SLC18A1: variants seen among roughly 807,000 people sequenced by gnomAD.
SLC18A1 encodes solute carrier family 18 member A1.
A neutral mutation model predicts 53.7 loss-of-function variants in SLC18A1; 69 were observed. The observed-to-expected ratio is 1.28, with a 90% CI of 1.06 to 1.57. SLC18A1 has a LOEUF of 1.57. Ranked by LOEUF, SLC18A1 falls within the 40% of genes most tolerant of loss-of-function variation. SLC18A1 has a pLI of 0.00. For missense variants in SLC18A1, 932 were observed against 668.1 expected (o/e 1.40, Z -4.35); for synonymous variants, 320 against 248.1 (o/e 1.29, Z -2.72).
At position 20,170,047 on chromosome 8, in the gene SLC18A1, T is replaced by C. The variant is rs80210381; in HGVS notation, c.858+1056A>G. ...TGGAGGGGTGCTGGGCCCAAGCATA[T>C]GCCAGGCCTGGGAGCCTGTGCAGAG... is the stretch of plus-strand genomic sequence containing the variant. On this transcript the variant is annotated intron_variant, in intron 8 of 15. Transcript: ENST00000276373. 7.6e-4 allele frequency among the ~76,000 whole-genome samples: 115 copies of C among 152,238 alleles called. 1 individual carries two copies. The East Asian group carries it at 0.02, about 27-fold the overall frequency.
chr8:20,154,519 C>T (rs1290412100), intron 10 of SLC18A1, among the ~76,000 whole-genome samples: 3 of 152,140 alleles, frequency 2.0e-5, no homozygotes, highest in Non-Finnish European at 4.4e-5. Flanking sequence ...GAAGAAATGA[C>T]TCGGAAGCAA....
At position 20,150,295 on chromosome 8, in the gene SLC18A1, T is replaced by G. The variant is rs373255271; in HGVS notation, c.1094+371A>C. ...CTCAGTGGCCTCTGGGGTGCCTCTA[T>G]AGAACTCCTTAGGATTCCACAGAAC... On this transcript the variant is annotated intron_variant, in intron 11 of 15. Transcript: ENST00000276373. 7.2e-5 allele frequency among the ~76,000 whole-genome samples: 11 copies of G among 152,342 alleles called. No homozygotes were observed. In the South Asian group the frequency reaches 2.3e-3, roughly 32 times the overall value.
chr8:20,161,584 C>T (rs2071831732), intron 10 of SLC18A1, among the ~76,000 whole-genome samples: 1 of 152,110 alleles, frequency 6.6e-6, no homozygotes, highest in African/African-American at 2.4e-5. Flanking sequence ...GAACCACTCT[C>T]CTATGCACAC....
Position 20,182,292 on chromosome 8 carries a change from G to T in SLC18A1, c.-124+771C>A, listed in dbSNP as rs548555430. Reference sequence around the variant, plus strand: ...ATCAATTGCAGAATTATTTTTCTTAGTGAAAAAAGTCAAACATGTTAATGG... The same window carrying T: ...ATCAATTGCAGAATTATTTTTCTTATTGAAAAAAGTCAAACATGTTAATGG... On this transcript the variant is annotated intron_variant, in intron 1 of 15. Coordinates refer to ENST00000276373, the MANE Select transcript of SLC18A1 (RefSeq NM_003053.4). 1.5e-4 allele frequency among the ~76,000 whole-genome samples: 23 copies of T among 152,190 alleles called. No homozygotes were observed. In the East Asian group the frequency reaches 4.4e-3, roughly 29 times the overall value.
chr8:20,150,262 C>T (rs576774288), intron 11 of SLC18A1, among the ~76,000 whole-genome samples: 1 of 152,202 alleles, frequency 6.6e-6, no homozygotes, highest in African/African-American at 2.4e-5. Flanking sequence ...GGCCCCCAAC[C>T]CTTCCTCCTC....
At chr8:20,161,367 A>G (rs984750207) in intron 10 of SLC18A1, among the ~76,000 whole-genome samples, 2 of 152,216 alleles carry the variant, frequency 1.3e-5, no homozygotes, top group Middle Eastern at 3.2e-3. Context: ...AAATAAAAAT[A>G]ACAGTACAAG....
intron 1 of SLC18A1, among the ~76,000 whole-genome samples, chr8:20,182,555 T>C (rs1441942919): frequency 1.3e-5 from 2 of 152,228 alleles, no homozygotes; most frequent in African/African-American, 2.4e-5. Flanking sequence ...TATTCAATAA[T>C]GAGCTACTTT....
chr8:20,150,695 G>C lies in SLC18A1; in HGVS notation c.1065C>G (p.Leu355=). The C allele has an allele frequency of 6.2e-7, 1 of 1,614,146 alleles. No homozygotes were observed. Among genetic ancestry groups the C allele is most frequent in the South Asian group, 1.1e-5 (1 of 91,086 alleles). Reference sequence around the variant, plus strand: ...CCATCTTGTTGGCCAACACACCAAAGAGGTTGGTGCCAATGAGGTAGGACA... The same window carrying C: ...CCATCTTGTTGGCCAACACACCAAACAGGTTGGTGCCAATGAGGTAGGACA... ...ASVSYLIGTN[L]FGVLANKMGR... The change falls in exon 11 of 16, where the codon CTC becomes CTG. Residue 355 remains leucine, a synonymous_variant. Coordinates refer to ENST00000276373, the MANE Select transcript of SLC18A1 (RefSeq NM_003053.4).
intron 10 of SLC18A1, among the ~76,000 whole-genome samples, chr8:20,159,652 A>AAAAAAAAAAAAAAAC (rs2071772310): frequency 1.3e-5 from 1 of 75,558 alleles, no homozygotes; most frequent in Non-Finnish European, 2.8e-5. Flanking sequence ...AAAAAAAAAA[A>AAAAAAAAAAAAAAAC]AAAAAAAAAA....
chr8:20,156,891 T>G (rs1308502722), intron 10 of SLC18A1, among the ~76,000 whole-genome samples: 1 of 152,206 alleles, frequency 6.6e-6, no homozygotes. Flanking sequence ...GAATGCATCT[T>G]GATGGGGCAA....
Position 20,150,748 on chromosome 8 carries a change from T to C in SLC18A1, c.1016-4A>G. Reference sequence around the variant, plus strand: ...CTGGCAGGCAAGAAAGCTAGACCTGTGGAAGGACACAGATCCTTACCTTAG... The same window carrying C: ...CTGGCAGGCAAGAAAGCTAGACCTGCGGAAGGACACAGATCCTTACCTTAG... On this transcript the variant is annotated splice_region_variant and splice_polypyrimidine_tract_variant and intron_variant, in intron 10 of 15. Transcript: ENST00000276373. 16 of 1,613,696 alleles carry C rather than the reference T, an allele frequency of 9.9e-6. No individual in the cohort carries two copies. The highest frequency in any genetic ancestry group is 1.2e-5 in the Non-Finnish European group (14 of 1,179,592).
rs2072170513 is a variant in SLC18A1 at position 20,173,225 on chromosome 8, C to A, written c.632-97G>T. 8.1e-6 allele frequency: 7 copies of A among 862,178 alleles called. No homozygotes were observed. In the East Asian group the frequency reaches 1.6e-4, roughly 20 times the overall value. The allele number at this position is 862,178 out of a possible 1,614,324, so 53.4% of individuals were successfully genotyped here. On this transcript the variant is annotated intron_variant, in intron 5 of 15. Coordinates refer to ENST00000276373, the MANE Select transcript of SLC18A1 (RefSeq NM_003053.4). ...ACCCTGTTATCTCTTCAGTGACAATCTTAGCTAGAGTTTCAGTTTGAGGGG... is the reference window on the plus strand; with the variant it reads ...ACCCTGTTATCTCTTCAGTGACAATATTAGCTAGAGTTTCAGTTTGAGGGG...
chr8:20,174,277 T>C (rs1563765083), intron 5 of SLC18A1, 84 bp downstream of exon 5: 8 of 1,012,070 alleles, frequency 7.9e-6, no homozygotes, highest in African/African-American at 1.6e-5. Context: ...AATTTCTCCA[T>C]GTAAATATAG....
intron 10 of SLC18A1, among the ~76,000 whole-genome samples, chr8:20,158,071 C>T (rs550320911): frequency 6.6e-6 from 1 of 152,348 alleles, no homozygotes; most frequent in South Asian, 2.1e-4. Flanking sequence ...GATGATCCAG[C>T]AGCAGGACTG....
intron 5 of SLC18A1, 72 bp downstream of exon 5, chr8:20,174,289 A>C: frequency 9.4e-7 from 1 of 1,065,286 alleles, no homozygotes; most frequent in Non-Finnish European, 1.5e-6. Flanking sequence ...TAAATATAGG[A>C]TCTGAGGTAG....
intron 10 of SLC18A1, among the ~76,000 whole-genome samples, chr8:20,154,505 T>G (rs1055891568): frequency 3.3e-5 from 5 of 152,060 alleles, no homozygotes; most frequent in Admixed American, 2.6e-4. Flanking sequence ...TGAAGGAGAA[T>G]AGAGAAGAAA....
intron 8 of SLC18A1, 106 bp downstream of exon 8, chr8:20,170,997 C>T (rs2128877269): frequency 1.8e-6 from 2 of 1,104,324 alleles, no homozygotes; most frequent in Non-Finnish European, 2.7e-6. Context: ...CTTTCGCTGA[C>T]CCTATTCCTC....
chr8:20,182,028 C>G (rs2072441176), intron 1 of SLC18A1: 1 of 152,232 alleles, frequency 6.6e-6, no homozygotes, highest in Non-Finnish European at 1.5e-5. Flanking sequence ...CATTAAGTCA[C>G]AGTACCTTGT....
intron 9 of SLC18A1, 24 bp from the exon 10 acceptor site, chr8:20,164,988 G>C (rs973046743): frequency 8.1e-6 from 13 of 1,613,708 alleles, no homozygotes; most frequent in Non-Finnish European, 1.0e-5. Flanking sequence ...TCTGTGAGCA[G>C]CCGTGGCTGC....
Sources: allele counts gnomAD v4.1 joint callset (sites outside exome capture counted in the v4.1 genomes callset), GRCh38; gene constraint gnomAD v4.1.1; transcripts MANE v1.5; gene names NCBI Gene and HGNC (gene_info 2026-07-23, HGNC 2026-07-21).